Variants in ACP7 observed in about 807,000 individuals in gnomAD.
ACP7 encodes acid phosphatase type 7.
A neutral mutation model predicts 60.6 loss-of-function variants in ACP7; 58 were observed. The observed-to-expected ratio is 0.96, with a 90% CI of 0.77 to 1.19. ACP7 has a LOEUF of 1.19. Ranked by LOEUF, ACP7 falls within the 50% of genes most tolerant of loss-of-function variation. The pLI is 0.00. For synonymous variants in ACP7, 237 were observed against 232.6 expected (o/e 1.02, Z -0.17); for missense variants, 574 against 596.2 (o/e 0.96, Z 0.39).
chr19:39,095,843 A>G (rs76212538), intron 2 of ACP7, among the ~76,000 whole-genome samples: 1 of 152,206 alleles, frequency 6.6e-6, no homozygotes, highest in African/African-American at 2.4e-5. Flanking sequence ...GCGCACCTGC[A>G]GGCTCAAAAC....
At chr19:39,092,248 C>T (rs143767278) in intron 2 of ACP7, among the ~76,000 whole-genome samples, 138 of 152,214 alleles carry the variant, frequency 9.1e-4, no homozygotes, top group African/African-American at 2.9e-3. Context: ...TTGGCAGATG[C>T]CTGTAATCCC....
rs939396794 is a variant in ACP7, at chr19:39,101,107, C to T, written c.916-43C>T. 12 of 1,613,836 alleles carry T rather than the reference C, an allele frequency of 7.4e-6. 1 individual carries two copies. The highest frequency in any genetic ancestry group is 3.3e-4 in the Middle Eastern group (2 of 6,062). On this transcript the variant is annotated intron_variant, in intron 8 of 12. Transcript: ENST00000331256. ...GGGGACATGCTGAAAGCCAGGTGGG[C>T]GTCAGTCTGCGTCACCCTCACCCGC...
rs137947243 is a variant in ACP7 at position 39,096,895 on chromosome 19, G to A, written c.122-1563G>A. Among the ~76,000 whole-genome samples, 503 of 152,194 alleles carry A rather than the reference G, an allele frequency of 3.3e-3. 3 individuals are homozygous for A. Among genetic ancestry groups the A allele is most frequent in the African/African-American group, 0.012 (484 of 41,540 alleles). ...TGGCTCACGGCAACCTCCATCTCCC[G>A]GGTTCAAGTGATTCTCCTGCCTCAG... On this transcript the variant is annotated intron_variant, in intron 2 of 12. Coordinates refer to ENST00000331256, the MANE Select transcript of ACP7 (RefSeq NM_001004318.3).
At chr19:39,088,857 T>C (rs967242026) in intron 2 of ACP7, among the ~76,000 whole-genome samples, 5 of 152,128 alleles carry the variant, frequency 3.3e-5, no homozygotes, top group Admixed American at 3.3e-4. Flanking sequence ...GGGATTCTCC[T>C]GCCTCAGCCT....
rs369247482 is a variant in ACP7 at position 39,093,814 on chromosome 19, C to T, written c.122-4644C>T. Among the ~76,000 whole-genome samples the T allele has an allele frequency of 1.3e-4, 20 of 152,214 alleles. No individual in the cohort carries two copies. The East Asian group carries it at 2.9e-3, about 22-fold the overall frequency. On this transcript the variant is annotated intron_variant, in intron 2 of 12. Coordinates refer to ENST00000331256, the MANE Select transcript of ACP7 (RefSeq NM_001004318.3). ...AGAGACACCTGCATATTTTCTATAC[C>T]CCCTTACATTAAGGGCAGCTAACTA...
rs151081103 is a variant in ACP7, at chr19:39,095,239, G to T, written c.122-3219G>T. Among the ~76,000 whole-genome samples, 12 of 152,210 alleles carry T rather than the reference G, an allele frequency of 7.9e-5. No individual in the cohort carries two copies. The East Asian group carries it at 2.3e-3, about 29-fold the overall frequency. On this transcript the variant is annotated intron_variant, in intron 2 of 12. Coordinates refer to ENST00000331256, the MANE Select transcript of ACP7 (RefSeq NM_001004318.3). ...CAAAGTCTCATCTGAGGCAAGTCAA[G>T]ACCCTTCCACCTATGAGCCTGTAAA...
At chr19:39,086,318 C>A (rs1289406020) in intron 2 of ACP7, among the ~76,000 whole-genome samples, 3 of 150,606 alleles carry the variant, frequency 2.0e-5, no homozygotes, top group Non-Finnish European at 4.4e-5. Context: ...CAGAGAGAGA[C>A]CCTGTCTTTA....
intron 2 of ACP7, among the ~76,000 whole-genome samples, chr19:39,093,224 CTCTT>C (rs2073229796): frequency 7.1e-6 from 1 of 141,364 alleles, no homozygotes; most frequent in Admixed American, 7.3e-5. Flanking sequence ...CCCTCTCTCT[CTCTT>C]TCTCTCTCTC....
intron 3 of ACP7, 31 bp downstream of exon 3, chr19:39,098,689 G>A (rs778607807): frequency 2.5e-6 from 4 of 1,581,674 alleles, no homozygotes; most frequent in East Asian, 2.3e-5. Context: ...AGCTGTTGAG[G>A]AGGAGTGGGA....
intron 2 of ACP7, among the ~76,000 whole-genome samples, chr19:39,089,835 A>G (rs968880149): frequency 6.6e-5 from 10 of 152,258 alleles, no homozygotes; most frequent in Non-Finnish European, 1.3e-4. Context: ...TTCTTGGCGC[A>G]TGATACGAAG....
intron 11 of ACP7, among the ~76,000 whole-genome samples, chr19:39,105,195 T>C (rs1418415390): frequency 6.6e-6 from 1 of 150,878 alleles, no homozygotes; most frequent in Non-Finnish European, 1.5e-5. Context: ...ATTGTATTTT[T>C]AGTAGAGACG....
chr19:39,109,975 G>A, intron 12 of ACP7, 78 bp from the exon 13 acceptor site: 1 of 1,432,044 alleles, frequency 7.0e-7, no homozygotes. Flanking sequence ...GGCAGAGAGG[G>A]GACTGGAACC....
rs1319149021 is a variant in ACP7 at position 39,101,296 on chromosome 19, C to T, written c.982C>T (p.Leu328=). ...CGCTTGCTCTATCTCAGGAGTGGAT[C>T]TGCAGCTGTGGGCTCATGAGCACTC... ...EDLFYKYGVD[L]QLWAHEHSYE... is the part of the protein sequence containing the mutation. The change falls in exon 10 of 13, where the codon CTG becomes TTG. Residue 328 remains leucine (L), a synonymous_variant. Coordinates refer to ENST00000331256, the MANE Select transcript of ACP7 (RefSeq NM_001004318.3). The T allele has an allele frequency of 6.2e-7, 1 of 1,614,214 alleles. No homozygotes were observed. Among genetic ancestry groups the T allele is most frequent in the South Asian group, 1.1e-5 (1 of 91,086 alleles).
chr19:39,109,684 C>CT (rs1555770666), intron 12 of ACP7, among the ~76,000 whole-genome samples: 1 of 33,992 alleles, frequency 2.9e-5, no homozygotes, highest in Non-Finnish European at 5.7e-5. Context: ...AAGACTCTGT[C>CT]TAAAAAAAAA....
intron 2 of ACP7, among the ~76,000 whole-genome samples, chr19:39,092,337 G>A (rs987055832): frequency 6.6e-6 from 1 of 151,580 alleles, no homozygotes; most frequent in Non-Finnish European, 1.5e-5. Flanking sequence ...TTGTGCTATT[G>A]CACTCCAGCC....
In ACP7 at chr19:39,101,213, C is replaced by A. The variant is rs541911936; in HGVS notation, c.973+6C>A. 16 of 1,614,068 alleles carry A rather than the reference C, an allele frequency of 9.9e-6. No homozygotes were observed. The highest frequency in any genetic ancestry group is 4.0e-5 in the African/African-American group (3 of 75,030). On this transcript the variant is annotated splice_donor_region_variant and intron_variant, in intron 9 of 12. Transcript: ENST00000331256. Reference sequence around the variant, plus strand: ...GGATCTTTTCTACAAATATGGTGAGCGACCCTCAGGACCCATGCCCCACAC... The same window carrying A: ...GGATCTTTTCTACAAATATGGTGAGAGACCCTCAGGACCCATGCCCCACAC...
At chr19:39,102,715 T>TGACTTTCTTTCTTTCTTTC (rs1555769416) in intron 11 of ACP7, among the ~76,000 whole-genome samples, 2 of 118,616 alleles carry the variant, frequency 1.7e-5, no homozygotes, top group Admixed American at 8.6e-5. Flanking sequence ...CAATGAAGAC[T>TGACTTTCTTTCTTTCTTTC]TTTCTTTCTT....
chr19:39,110,407 G>T lies in ACP7; in HGVS notation c.*289G>T. 2.7e-6 allele frequency: 1 copy of T among 374,112 alleles called. No homozygotes were observed. The highest frequency in any genetic ancestry group is 4.9e-5 in the South Asian group (1 of 20,492). 23.2% of individuals were successfully genotyped at this position (374,112 alleles called of 1,614,324 possible). ...TCCTGCATAGCTCTGATCGGGCGAG[G>T]TGCCCACGGGGCTTCAGGAATGAAG... On this transcript the variant is annotated 3_prime_UTR_variant, in exon 13 of 13. Coordinates refer to ENST00000331256, the MANE Select transcript of ACP7 (RefSeq NM_001004318.3).
Position 39,085,395 on chromosome 19 carries a change from G to C in ACP7, c.121+5G>C, listed in dbSNP as rs750907995. On this transcript the variant is annotated splice_donor_5th_base_variant and intron_variant, in intron 2 of 12. Transcript: ENST00000331256. ...AAGTCCATCTGTCTTACCCAGGTAA[G>C]TGTCCCTGACTCATTTCTATGCCTC... is the stretch of plus-strand genomic sequence containing the variant. 1.2e-6 allele frequency: 2 copies of C among 1,607,662 alleles called. No individual in the cohort carries two copies. The highest frequency in any genetic ancestry group is 1.1e-5 in the South Asian group (1 of 90,034).
Sources: allele counts gnomAD v4.1 joint callset (sites outside exome capture counted in the v4.1 genomes callset), GRCh38; gene constraint gnomAD v4.1.1; transcripts MANE v1.5; gene names NCBI Gene and HGNC (gene_info 2026-07-23, HGNC 2026-07-21).